PAX8: variants seen among roughly 807,000 people sequenced by gnomAD.
PAX8 encodes paired box 8, also known as paired box protein Pax-8.
A neutral mutation model predicts 52.4 loss-of-function variants in PAX8; 15 were observed. The ratio of observed to expected loss-of-function variants is 0.29; its 90% confidence interval spans 0.19 to 0.44. PAX8 has a LOEUF of 0.44. PAX8 is among the 20% of genes least tolerant of loss of function. The pLI is 1.00. For missense variants in PAX8, 554 were observed against 602.5 expected (o/e 0.92, Z 0.84); for synonymous variants, 284 against 249.7 (o/e 1.14, Z -1.29).
At chr2:113,226,666 A>ATCG (rs1553411717) in intron 10 of PAX8, 5 of 1,049,694 alleles carry the variant, frequency 4.8e-6, no homozygotes, top group Non-Finnish European at 5.8e-6. Context: ...CATCATCGTC[A>ATCG]TCGTCATCAT....
intron 2 of PAX8, among the ~76,000 whole-genome samples, chr2:113,262,757 CA>C (rs894673064): frequency 1.3e-5 from 2 of 152,160 alleles, no homozygotes; most frequent in Non-Finnish European, 1.5e-5. Flanking sequence ...TATGCTGTCA[CA>C]AGCCAAGGAA....
intron 2 of PAX8, chr2:113,255,409 T>C (rs1692180970): frequency 6.6e-6 from 1 of 151,846 alleles, no homozygotes; most frequent in Non-Finnish European, 1.5e-5. Flanking sequence ...CTCACAGAAA[T>C]GAGTTATTTA....
chr2:113,271,540 A>G (rs1408412108), intron 2 of PAX8: 5 of 151,828 alleles, frequency 3.3e-5, no homozygotes, highest in African/African-American at 1.2e-4. Flanking sequence ...ACTGAGAACC[A>G]TACTGGAAAG....
intron 7 of PAX8, 115 bp downstream of exon 7, chr2:113,241,436 C>T (rs917575649): frequency 3.0e-6 from 3 of 1,012,614 alleles, no homozygotes; most frequent in African/African-American, 3.2e-5. Context: ...AGGCAGGTGC[C>T]CTGAGCCCAT....
In PAX8 at chr2:113,222,692, A is replaced by T. The variant is rs559724387; in HGVS notation, c.1190-2514T>A. Among the ~76,000 whole-genome samples the T allele has an allele frequency of 2.6e-5, 4 of 152,176 alleles. No individual in the cohort carries two copies. The South Asian group carries it at 8.3e-4, about 32-fold the overall frequency. ...ATTCTGCTATCTTCTGTCTTTAAAAAATCCTCTTCCTATCCCCACATTCCT... is the reference window on the plus strand; with the variant it reads ...ATTCTGCTATCTTCTGTCTTTAAAATATCCTCTTCCTATCCCCACATTCCT... On this transcript the variant is annotated intron_variant, in intron 10 of 11. Coordinates refer to ENST00000429538, the MANE Select transcript of PAX8 (RefSeq NM_003466.4).
chr2:113,227,502 T>C (rs181988427), intron 9 of PAX8, among the ~76,000 whole-genome samples: 1 of 152,356 alleles, frequency 6.6e-6, no homozygotes, highest in East Asian at 1.9e-4. Flanking sequence ...CACTGTTCCC[T>C]GTTCTCCAGT....
intron 5 of PAX8, 84 bp from the exon 6 acceptor site, chr2:113,242,214 G>T: frequency 8.1e-7 from 1 of 1,235,330 alleles, no homozygotes; most frequent in Non-Finnish European, 1.2e-6. Flanking sequence ...TTACAGTTGA[G>T]CTGGGGACTG....
At chr2:113,258,134 G>T (rs533367662) in intron 2 of PAX8, among the ~76,000 whole-genome samples, 1 of 152,298 alleles carries the variant, frequency 6.6e-6, no homozygotes, top group African/African-American at 2.4e-5. Flanking sequence ...CCAAGTATGG[G>T]TGCTTTCCAA....
intron 9 of PAX8, among the ~76,000 whole-genome samples, chr2:113,233,852 A>G (rs796973447): frequency 5.9e-5 from 9 of 152,230 alleles, no homozygotes; most frequent in African/African-American, 2.2e-4. Flanking sequence ...TGGTGAGCAT[A>G]CATGTCTTCT....
intron 2 of PAX8, among the ~76,000 whole-genome samples, chr2:113,253,789 C>A (rs1691976254): frequency 1.3e-5 from 2 of 152,144 alleles, no homozygotes. Context: ...TCAAATATAA[C>A]TGCTGTTTGG....
intron 5 of PAX8, among the ~76,000 whole-genome samples, chr2:113,242,350 A>T (rs1314840411): frequency 6.7e-6 from 1 of 148,656 alleles, no homozygotes; most frequent in Non-Finnish European, 1.5e-5. Flanking sequence ...CACCCCTCAC[A>T]GTCCCTGCTG....
rs770789184 is a variant in PAX8, at chr2:113,218,584, T to G, written c.1302A>C (p.Thr434=). ...TGGTGGGCGGTGCACTCGGCCTTGA[T>G]GTGGAACTGTAATAATATGGGGAAC... ...LLSSPYYYSS[T]SRPSAPPTTA... The change falls in exon 12 of 12, where the codon ACA becomes ACC. Residue 434 remains threonine, a synonymous_variant. Coordinates refer to ENST00000429538, the MANE Select transcript of PAX8 (RefSeq NM_003466.4). 9 of 1,559,466 alleles carry G rather than the reference T, an allele frequency of 5.8e-6. No individual in the cohort carries two copies. The highest frequency in any genetic ancestry group is 1.2e-5 in the South Asian group (1 of 84,354).
chr2:113,244,452 C>G lies in PAX8; in HGVS notation c.364G>C (p.Val122Leu). 1.2e-6 allele frequency: 2 copies of G among 1,613,936 alleles called. No individual in the cohort carries two copies. Among genetic ancestry groups the G allele is most frequent in the Non-Finnish European group, 1.7e-6 (2 of 1,179,820 alleles). The change falls in exon 4 of 12, where the codon GTG becomes CTG. Residue 122 changes from valine to leucine, a missense_variant. Coordinates refer to ENST00000429538, the MANE Select transcript of PAX8 (RefSeq NM_003466.4). ...CTATTAATGGAGCTGACACTGGGCA[C>G]AGTGTCATTGTCACAGACGCCCTCA... Reference protein sequence around the residue: ...LAEGVCDNDTVPSVSSINRII... With the variant: ...LAEGVCDNDTLPSVSSINRII...
intron 2 of PAX8, chr2:113,268,763 C>T (rs559403063): frequency 5.9e-5 from 9 of 152,576 alleles, no homozygotes; most frequent in African/African-American, 1.7e-4. Context: ...GTGGGCAGCA[C>T]GTGACCAAGT....
At chr2:113,243,133 A>G (rs971488413) in intron 4 of PAX8, among the ~76,000 whole-genome samples, 1 of 152,070 alleles carries the variant, frequency 6.6e-6, no homozygotes, top group Non-Finnish European at 1.5e-5. Flanking sequence ...GCATGTCATC[A>G]CCAGTGTTCC....
chr2:113,235,639 C>G, intron 8 of PAX8, 57 bp from the exon 9 acceptor site: 1 of 1,417,804 alleles, frequency 7.1e-7, no homozygotes. Context: ...GGGGAGGGAA[C>G]ACGCACAAGC....
Position 113,236,560 on chromosome 2 carries a change from C to G in PAX8, c.898+41G>C, listed in dbSNP as rs1441665541. 5 of 1,542,906 alleles carry G rather than the reference C, an allele frequency of 3.2e-6. No individual in the cohort carries two copies. The East Asian group carries it at 9.8e-5, about 30-fold the overall frequency. ...CTGACAGCCAGCCAAGCTCTTCAGT[C>G]CCCCGCCCTCCACCTGCCAGGGAGG... On this transcript the variant is annotated intron_variant, in intron 8 of 11. Transcript: ENST00000429538.
intron 2 of PAX8, chr2:113,273,165 G>C (rs576076129): frequency 6.6e-6 from 1 of 152,264 alleles, no homozygotes; most frequent in Non-Finnish European, 1.5e-5. Flanking sequence ...CAACTGTGGC[G>C]AGAGAAAGTA....
rs1200888542 is a variant in PAX8 at position 113,246,822 on chromosome 2, A to G, written c.123T>C (p.Gly41=). The G allele has an allele frequency of 3.1e-6, 5 of 1,614,202 alleles. No homozygotes were observed. Among genetic ancestry groups the G allele is most frequent in the Non-Finnish European group, 4.2e-6 (5 of 1,180,030 alleles). ...RQRIVDLAHQ[G]VRPCDISRQL... ...GGCGAGAGATGTCGCAGGGCCTTAC[A>G]CCCTGGTGGGCCAGGTCTACGATGC... The change falls in exon 3 of 12, where the codon GGT becomes GGC. Residue 41 remains glycine (G), a synonymous_variant. Transcript: ENST00000429538.
Sources: allele counts gnomAD v4.1 joint callset (sites outside exome capture counted in the v4.1 genomes callset), GRCh38; gene constraint gnomAD v4.1.1; transcripts MANE v1.5; gene names NCBI Gene and HGNC (gene_info 2026-07-23, HGNC 2026-07-21).